Variants in SEZ6L observed in about 807,000 individuals in gnomAD.
SEZ6L encodes the protein seizure related 6 homolog like.
SEZ6L carries 37 observed loss-of-function variants against 106.2 expected under a neutral mutation model. The observed-to-expected ratio is 0.35, with a 90% CI of 0.27 to 0.46. SEZ6L has a LOEUF of 0.46. Ranked by LOEUF, SEZ6L falls within the 20% of genes least tolerant of loss-of-function variation. The probability of loss-of-function intolerance (pLI) is 1.00; values close to 1 mark genes in which losing one functional copy is unlikely to be tolerated. For missense variants in SEZ6L, 1,172 were observed against 1,332.8 expected (o/e 0.88, Z 1.88); for synonymous variants, 541 against 570.4 (o/e 0.95, Z 0.73).
intron 15 of SEZ6L, 152 bp from the exon 16 acceptor site, chr22:26,377,521 A>G (rs1330120797): frequency 3.1e-6 from 2 of 641,358 alleles, no homozygotes; most frequent in African/African-American, 3.7e-5. Flanking sequence ...CCTCACTAGG[A>G]TTCTCGCCTG....
chr22:26,241,770 T>C (rs2079143215), intron 1 of SEZ6L, among the ~76,000 whole-genome samples: 1 of 152,118 alleles, frequency 6.6e-6, no homozygotes, highest in South Asian at 2.1e-4. Flanking sequence ...CAGATTCCCA[T>C]CTTATCTTAG....
intron 9 of SEZ6L, among the ~76,000 whole-genome samples, chr22:26,336,661 A>T (rs987198514): frequency 3.9e-5 from 6 of 152,208 alleles, no homozygotes; most frequent in African/African-American, 1.4e-4. Flanking sequence ...ATGTGCATTT[A>T]TATAAGTCAT....
intron 1 of SEZ6L, among the ~76,000 whole-genome samples, chr22:26,291,244 G>A (rs1054386524): frequency 1.3e-5 from 2 of 152,196 alleles, no homozygotes; most frequent in African/African-American, 2.4e-5. Context: ...TGTACACCAT[G>A]GAATACTATG....
chr22:26,339,490 C>G (rs758711865), intron 9 of SEZ6L, among the ~76,000 whole-genome samples: 1 of 152,160 alleles, frequency 6.6e-6, no homozygotes, highest in Non-Finnish European at 1.5e-5. Flanking sequence ...GGATTATTAA[C>G]TATCCACTGT....
intron 1 of SEZ6L, among the ~76,000 whole-genome samples, chr22:26,197,440 G>T (rs1172426648): frequency 6.6e-6 from 1 of 152,208 alleles, no homozygotes; most frequent in African/African-American, 2.4e-5. Flanking sequence ...GTCTTACTGG[G>T]TGAGTAAGTA....
chr22:26,286,402 G>A (rs1049803191), intron 1 of SEZ6L, among the ~76,000 whole-genome samples: 13 of 152,124 alleles, frequency 8.5e-5, no homozygotes, highest in Non-Finnish European at 1.6e-4. Flanking sequence ...CTTATTATAC[G>A]TATTTTGGAA....
At chr22:26,297,317 A>G (rs921272056) in intron 4 of SEZ6L, among the ~76,000 whole-genome samples, 4 of 152,234 alleles carry the variant, frequency 2.6e-5, no homozygotes, top group South Asian at 2.1e-4. Flanking sequence ...GCCTTAATCT[A>G]TGTGCTTTTT....
At chr22:26,319,162 C>T (rs146671197) in intron 9 of SEZ6L, among the ~76,000 whole-genome samples, 2 of 152,312 alleles carry the variant, frequency 1.3e-5, no homozygotes, top group African/African-American at 4.8e-5. Flanking sequence ...GCCAAATCCT[C>T]AGGAAATTCC....
At chr22:26,311,620 A>G (rs653327) in intron 7 of SEZ6L, 148 bp from the exon 8 acceptor site, 290,507 of 725,322 alleles carry the variant, frequency 0.4, 64,615 homozygotes, top group African/African-American at 0.63. Context: ...AGGGTTCTCA[A>G]CACGTCAGCT....
chr22:26,178,810 G>A (rs1216486662), intron 1 of SEZ6L, among the ~76,000 whole-genome samples: 1 of 152,208 alleles, frequency 6.6e-6, no homozygotes, highest in African/African-American at 2.4e-5. Context: ...GATGATGGGA[G>A]TGGGTGGTAG....
intron 14 of SEZ6L, among the ~76,000 whole-genome samples, chr22:26,374,263 C>T (rs1404249647): frequency 2.8e-5 from 4 of 141,218 alleles, no homozygotes; most frequent in African/African-American, 5.2e-5. Flanking sequence ...TATATTGTTT[C>T]TTTTTTTTTT....
At chr22:26,362,452 C>T (rs898522432) in intron 12 of SEZ6L, among the ~76,000 whole-genome samples, 1 of 152,190 alleles carries the variant, frequency 6.6e-6, no homozygotes, top group African/African-American at 2.4e-5. Flanking sequence ...CCCTTGGCTA[C>T]TTTAGGGGTC....
chr22:26,180,569 T>G (rs924154904), intron 1 of SEZ6L, among the ~76,000 whole-genome samples: 9 of 152,242 alleles, frequency 5.9e-5, no homozygotes, highest in African/African-American at 2.2e-4. Context: ...CTTCACATTA[T>G]TTGGGTAAAT....
At chr22:26,322,090 A>G (rs190395502) in intron 9 of SEZ6L, among the ~76,000 whole-genome samples, 97 of 152,382 alleles carry the variant, frequency 6.4e-4, no homozygotes, top group Non-Finnish European at 1.0e-3. Flanking sequence ...GTGGGTAGAG[A>G]TAATTACAGA....
chr22:26,289,766 C>G (rs907897808), intron 1 of SEZ6L, among the ~76,000 whole-genome samples: 4 of 152,196 alleles, frequency 2.6e-5, no homozygotes, highest in African/African-American at 9.6e-5. Context: ...GCCTCTCCAA[C>G]GACTGCTGAA....
At chr22:26,354,742 G>A (rs2083386619) in intron 12 of SEZ6L, among the ~76,000 whole-genome samples, 1 of 152,246 alleles carries the variant, frequency 6.6e-6, no homozygotes, top group Admixed American at 6.5e-5. Flanking sequence ...TGCGGCAGCT[G>A]CTGCTGGATT....
chr22:26,250,643 G>T (rs995027437), intron 1 of SEZ6L, among the ~76,000 whole-genome samples: 1 of 152,074 alleles, frequency 6.6e-6, no homozygotes, highest in Non-Finnish European at 1.5e-5. Flanking sequence ...TTGGCTATTC[G>T]GGATCTTTTG....
At chr22:26,294,906 TTCCTG>T (rs2081254662) in intron 3 of SEZ6L, among the ~76,000 whole-genome samples, 32 of 145,348 alleles carry the variant, frequency 2.2e-4, no homozygotes, top group African/African-American at 8.1e-4. Context: ...GCTTGCTTGC[TTCCTG>T]CTTTCTTGCT....
intron 11 of SEZ6L, among the ~76,000 whole-genome samples, chr22:26,349,621 C>A (rs1033697208): frequency 1.3e-5 from 2 of 152,190 alleles, no homozygotes; most frequent in Non-Finnish European, 2.9e-5. Context: ...CCACCACAGC[C>A]CCCCAAAATG....
Sources: allele counts gnomAD v4.1 joint callset (sites outside exome capture counted in the v4.1 genomes callset), GRCh38; gene constraint gnomAD v4.1.1; transcripts MANE v1.5; gene names NCBI Gene and HGNC (gene_info 2026-07-23, HGNC 2026-07-21).